Variants in DYM observed in about 807,000 individuals in gnomAD.
DYM encodes dyggve-Melchior-Clausen syndrome protein.
In DYM, 78 loss-of-function variants were observed where a neutral mutation model predicts 93.1. The observed-to-expected ratio is 0.84, with a 90% CI of 0.70 to 1.01. The LOEUF (loss-of-function observed/expected upper bound fraction) is 1.01. Among genes scored for constraint, DYM ranks in the 50% least tolerant of loss-of-function variants. The probability of loss-of-function intolerance (pLI) is 0.00; values close to 1 mark genes in which losing one functional copy is unlikely to be tolerated. For missense variants in DYM, 789 were observed against 845.0 expected (o/e 0.93, Z 0.82); for synonymous variants, 321 against 319.7 (o/e 1.00, Z -0.04).
intron 13 of DYM, among the ~76,000 whole-genome samples, chr18:49,227,953 C>A (rs2093586799): frequency 6.6e-6 from 1 of 152,138 alleles, no homozygotes; most frequent in African/African-American, 2.4e-5. Context: ...GAGGCCCTCC[C>A]CGATTGCTAC....
intron 1 of DYM, among the ~76,000 whole-genome samples, chr18:49,442,899 C>G (rs1262344661): frequency 6.6e-6 from 1 of 151,642 alleles, no homozygotes; most frequent in Non-Finnish European, 1.5e-5. Flanking sequence ...GCTCTGTCAC[C>G]CAGGGTGGAG....
At chr18:49,315,508 C>A (rs1487546305) in intron 8 of DYM, among the ~76,000 whole-genome samples, 1 of 152,136 alleles carries the variant, frequency 6.6e-6, no homozygotes, top group Non-Finnish European at 1.5e-5. Flanking sequence ...CCAGAGAAGT[C>A]ACCTCTTTCC....
At position 49,228,065 on chromosome 18, in the gene DYM, A is replaced by G. The variant is rs116151213; in HGVS notation, c.1461-18350T>C. Among the ~76,000 whole-genome samples, 368 of 152,216 alleles carry G rather than the reference A, an allele frequency of 2.4e-3. 1 individual carries two copies. Among genetic ancestry groups the G allele is most frequent in the African/African-American group, 8.3e-3 (345 of 41,512 alleles). On this transcript the variant is annotated intron_variant, in intron 13 of 17. Coordinates refer to ENST00000675505, the MANE Select transcript of DYM (RefSeq NM_001353214.3). The stretch of plus-strand genomic sequence containing the variant: ...GAATTTGTAAATGGCTTTATTGTCT[A>G]TCTCCCCTCTCAATAATCATAGAAT...
At chr18:49,152,756 C>T (rs942384623) in intron 15 of DYM, among the ~76,000 whole-genome samples, 9 of 152,088 alleles carry the variant, frequency 5.9e-5, no homozygotes, top group Admixed American at 1.3e-4. Context: ...AGAAAGAAAA[C>T]GTGGTGCATA....
chr18:49,444,672 T>G (rs2081950971), intron 1 of DYM, among the ~76,000 whole-genome samples: 1 of 152,194 alleles, frequency 6.6e-6, no homozygotes, highest in South Asian at 2.1e-4. Flanking sequence ...ATTCCACATT[T>G]CAAAAATCAT....
At chr18:49,230,052 A>G (rs1002156700) in intron 13 of DYM, among the ~76,000 whole-genome samples, 1 of 152,164 alleles carries the variant, frequency 6.6e-6, no homozygotes, top group East Asian at 1.9e-4. Context: ...GGGCTTGGGT[A>G]GTAAGAATGG....
intron 17 of DYM, among the ~76,000 whole-genome samples, chr18:49,079,730 C>T (rs1242099045): frequency 2.6e-5 from 4 of 151,636 alleles, no homozygotes; most frequent in Non-Finnish European, 5.9e-5. Flanking sequence ...GGTAAGGTCA[C>T]CGATCAACAG....
At chr18:49,418,060 G>GAA (rs751844426) in intron 2 of DYM, 1,633 of 107,478 alleles carry the variant, frequency 0.015, 47 homozygotes, top group African/African-American at 0.038. Context: ...AACTCTGTCT[G>GAA]AAAAAAAAAA....
At chr18:49,344,434 A>C (rs1437140874) in intron 6 of DYM, among the ~76,000 whole-genome samples, 1 of 152,146 alleles carries the variant, frequency 6.6e-6, no homozygotes, top group Non-Finnish European at 1.5e-5. Flanking sequence ...AAGCCAAAGA[A>C]CAAGAGATGT....
chr18:49,036,760 G>A lies in DYM; in HGVS notation c.*7295C>T, dbSNP rs1376659774. Among the ~76,000 whole-genome samples, 1 of 151,976 alleles carries A rather than the reference G, an allele frequency of 6.6e-6. No individual in the cohort carries two copies. Among genetic ancestry groups the A allele is most frequent in the Non-Finnish European group, 1.5e-5 (1 of 68,006 alleles). On this transcript the variant is annotated 3_prime_UTR_variant, in exon 18 of 18. Coordinates refer to ENST00000675505, the MANE Select transcript of DYM (RefSeq NM_001353214.3). Reference sequence around the variant, plus strand: ...TGTAGAGACAGGAGGGTTTCACCATGTTATCCAGGCTGGCTCTTAAATATT... The same window carrying A: ...TGTAGAGACAGGAGGGTTTCACCATATTATCCAGGCTGGCTCTTAAATATT...
chr18:49,332,075 G>A, intron 7 of DYM, 69 bp from the exon 8 acceptor site: 1 of 1,479,896 alleles, frequency 6.8e-7, no homozygotes. Flanking sequence ...TAACAATACA[G>A]AAATAATTCT....
intron 16 of DYM, among the ~76,000 whole-genome samples, chr18:49,118,129 C>T (rs2082075904): frequency 6.6e-6 from 1 of 151,280 alleles, no homozygotes; most frequent in South Asian, 2.1e-4. Flanking sequence ...CCTGCCTCAG[C>T]CTCTCAAGTA....
intron 15 of DYM, among the ~76,000 whole-genome samples, chr18:49,150,631 C>G (rs528495748): frequency 6.6e-6 from 1 of 152,182 alleles, no homozygotes; most frequent in African/African-American, 2.4e-5. Context: ...CATTTTGTTA[C>G]GGCATCTTGA....
chr18:49,351,295 C>T (rs566292328), intron 6 of DYM, among the ~76,000 whole-genome samples: 2 of 152,016 alleles, frequency 1.3e-5, no homozygotes, highest in African/African-American at 4.8e-5. Context: ...CGCTTGAACC[C>T]GGGAGGTGGA....
At chr18:49,153,502 T>C (rs190737113) in intron 15 of DYM, among the ~76,000 whole-genome samples, 22 of 152,208 alleles carry the variant, frequency 1.4e-4, no homozygotes, top group African/African-American at 4.8e-4. Context: ...AAATACCCGA[T>C]GAACTGGAGC....
intron 1 of DYM, among the ~76,000 whole-genome samples, chr18:49,456,260 G>A (rs558673302): frequency 9.2e-5 from 14 of 152,264 alleles, no homozygotes; most frequent in African/African-American, 3.1e-4. Context: ...GCCTTTAATC[G>A]TCCACCTCTG....
intron 2 of DYM, among the ~76,000 whole-genome samples, chr18:49,410,355 C>T (rs1479594269): frequency 2.0e-5 from 3 of 151,912 alleles, no homozygotes; most frequent in Admixed American, 6.6e-5. Context: ...CCACAGTACC[C>T]AGTCACTGGA....
intron 5 of DYM, among the ~76,000 whole-genome samples, chr18:49,372,731 C>A (rs1221392889): frequency 2.0e-5 from 3 of 150,962 alleles, no homozygotes; most frequent in Non-Finnish European, 4.4e-5. Context: ...GGTGACAGGG[C>A]AAGACTCTGC....
chr18:49,131,748 C>G (rs1170768565), intron 15 of DYM, among the ~76,000 whole-genome samples: 2 of 152,148 alleles, frequency 1.3e-5, no homozygotes, highest in East Asian at 3.8e-4. Flanking sequence ...CCCAGCTATG[C>G]AGTATTCTTA....
Sources: gnomAD v4.1 joint callset for allele counts (sites outside exome capture counted in the v4.1 genomes callset) on GRCh38, gnomAD v4.1.1 for gene constraint, MANE v1.5 for transcripts, NCBI Gene and HGNC (gene_info 2026-07-23, HGNC 2026-07-21) for gene names.